ARG2: variants seen among roughly 807,000 people sequenced by gnomAD.
ARG2 encodes arginase 2, also known as arginase-2, mitochondrial.
A neutral mutation model predicts 39.4 loss-of-function variants in ARG2; 21 were observed. The ratio of observed to expected loss-of-function variants is 0.53; its 90% CI spans 0.38 to 0.77. The LOEUF (loss-of-function observed/expected upper bound fraction) is 0.77, where lower values mean the gene tolerates loss of function less well. Among genes scored for constraint, ARG2 ranks in the 30% least tolerant of loss-of-function variants. The pLI is 0.00. For synonymous variants in ARG2, 150 were observed against 156.7 expected, an observed-to-expected ratio of 0.96 and a Z score of 0.32; for missense variants, 378 against 426.2, an observed-to-expected ratio of 0.89 and a Z score of 1.00.
At position 67,645,751 on chromosome 14, in the gene ARG2, A is replaced by G; in HGVS notation, c.471A>G (p.Gly157=). 1 of 1,614,052 alleles carries G rather than the reference A, an allele frequency of 6.2e-7. No individual in the cohort carries two copies. The highest frequency in any genetic ancestry group is 8.5e-7 in the Non-Finnish European group (1 of 1,179,964). Residue 157 remains glycine (G), a synonymous_variant, in exon 4 of 8, where the codon GGA becomes GGG. Coordinates refer to ENST00000261783, the MANE Select transcript of ARG2 (RefSeq NM_001172.4). The part of the protein sequence containing the change: ...DINTPLTTSS[G]NLHGQPVSFL... ...ACACACCCCTTACCACTTCATCAGG[A>G]AATCTCCATGGACAGCCAGTTTCAT...
chr14:67,647,842 A>T, intron 6 of ARG2: 1 of 581,108 alleles, frequency 1.7e-6, no homozygotes, highest in Non-Finnish European at 3.0e-6. Context: ...TGGCAGTATC[A>T]TGAAGTGGTA....
intron 2 of ARG2, among the ~76,000 whole-genome samples, chr14:67,634,586 C>T (rs78249868): frequency 0.092 from 12,892 of 140,720 alleles, 620 homozygotes; most frequent in Middle Eastern, 0.19. Flanking sequence ...AGAACCAGAC[C>T]GTGTCTCCAA....
At chr14:67,647,865 A>G in intron 6 of ARG2, 182 bp from the exon 7 acceptor site, 1 of 628,360 alleles carries the variant, frequency 1.6e-6, no homozygotes. Flanking sequence ...TAGGAAGTTA[A>G]TATTGCCAAT....
chr14:67,622,324 A>G lies in ARG2; in HGVS notation c.184+1358A>G, dbSNP rs188262613. On this transcript the variant is annotated intron_variant, in intron 2 of 7. Transcript: ENST00000261783. ...ACTCTTCTCTGCTGGTCATAAGTCC[A>G]TTCCAAGTGAAGTCATCTCCTTCCA... Among the ~76,000 whole-genome samples, 9 of 152,352 alleles carry G rather than the reference A, an allele frequency of 5.9e-5. No individual in the cohort carries two copies. In the East Asian group the frequency reaches 1.7e-3, roughly 29 times the overall value.
chr14:67,625,687 A>C (rs2036858279), intron 2 of ARG2, among the ~76,000 whole-genome samples: 1 of 149,994 alleles, frequency 6.7e-6, no homozygotes, highest in African/African-American at 2.4e-5. Flanking sequence ...TCTCAAAAAA[A>C]AAAAAAAAAA....
rs779368145 is a variant in ARG2 at position 67,645,820 on chromosome 14, AAAAG to A, written c.522+23_522+26del. 3.1e-6 allele frequency: 5 copies of A among 1,612,486 alleles called. No homozygotes were observed. In the African/African-American group the frequency reaches 6.7e-5, roughly 22 times the overall value. ...AGGATAAGGTCAGTGGGCCAAAACGAAAAGAAAGGTGAATGGCTTGCAGGGTTTT... is the reference window on the plus strand; with the variant it reads ...AGGATAAGGTCAGTGGGCCAAAACGAAAAGGTGAATGGCTTGCAGGGTTTT... On this transcript the variant is annotated intron_variant, in intron 4 of 7. Coordinates refer to ENST00000261783, the MANE Select transcript of ARG2 (RefSeq NM_001172.4).
intron 2 of ARG2, among the ~76,000 whole-genome samples, chr14:67,622,945 C>T (rs919300771): frequency 2.0e-5 from 3 of 152,202 alleles, no homozygotes; most frequent in Non-Finnish European, 2.9e-5. Context: ...CCTGTCACAG[C>T]TCTTGGTATT....
chr14:67,620,856 TTCTC>T, intron 1 of ARG2, 34 bp from the exon 2 acceptor site: 1 of 1,611,976 alleles, frequency 6.2e-7, no homozygotes, highest in Non-Finnish European at 8.5e-7. Context: ...TTCCGACACC[TTCTC>T]TACCTCTAAT....
intron 2 of ARG2, 44 bp downstream of exon 2, chr14:67,621,010 G>C (rs2036804636): frequency 6.4e-7 from 1 of 1,568,020 alleles, no homozygotes; most frequent in African/African-American, 1.4e-5. Flanking sequence ...ACTAGTAATA[G>C]ACCACTTCAG....
chr14:67,626,924 G>A (rs181374759), intron 2 of ARG2, among the ~76,000 whole-genome samples: 138 of 152,224 alleles, frequency 9.1e-4, no homozygotes, highest in Non-Finnish European at 1.3e-3. Context: ...GCTACAACAT[G>A]GATGAACCTA....
Position 67,620,934 on chromosome 14 carries a change from A to G in ARG2, c.152A>G (p.Glu51Gly). 2 of 1,614,120 alleles carry G rather than the reference A, an allele frequency of 1.2e-6. No homozygotes were observed. The highest frequency in any genetic ancestry group is 1.7e-6 in the Non-Finnish European group (2 of 1,180,000). The stretch of plus-strand genomic sequence containing the variant: ...GAGCATGGTCCCGCTGCCATAAGAG[A>G]AGCTGGCTTGATGAAAAGGCTCTCC... Reference protein sequence around the residue: ...GVEHGPAAIREAGLMKRLSSL... With the variant: ...GVEHGPAAIRGAGLMKRLSSL... Residue 51 changes from glutamate to glycine, a missense_variant, in exon 2 of 8, where the codon GAA (glutamate) becomes GGA (glycine). Physicochemically the swap from Glu to Gly is moderately conservative, Grantham distance 98 (BLOSUM62 -2). Transcript: ENST00000261783.
rs755657562 is a variant in ARG2, at chr14:67,645,647, G to T, written c.367G>T (p.Ala123Ser). ...GATTATACTTGTTCTTTGCAGCCTG[G>T]CAATCGGTACCATTAGTGGCCATGC... The part of the protein sequence containing the change: ...CVTLGGDHSL[A>S]IGTISGHARH... Residue 123 changes from alanine (A) to serine (S), a missense_variant, in exon 4 of 8, where the codon GCA becomes TCA. Coordinates refer to ENST00000261783, the MANE Select transcript of ARG2 (RefSeq NM_001172.4). The T allele has an allele frequency of 6.2e-7, 1 of 1,612,276 alleles. No individual in the cohort carries two copies. The highest frequency in any genetic ancestry group is 2.2e-5 in the East Asian group (1 of 44,858).
chr14:67,642,820 T>TTTTTTTG (rs2037051668), intron 3 of ARG2, among the ~76,000 whole-genome samples: 1 of 134,576 alleles, frequency 7.4e-6, no homozygotes, highest in Non-Finnish European at 1.6e-5. Context: ...TTTTTTTTTT[T>TTTTTTTG]GAGATAGGGT....
chr14:67,621,102 C>A, intron 2 of ARG2, 136 bp downstream of exon 2: 1 of 797,396 alleles, frequency 1.3e-6, no homozygotes, highest in Non-Finnish European at 2.1e-6. Flanking sequence ...CTTTGGATTC[C>A]GTCTGCGGCT....
chr14:67,650,715 G>T lies in ARG2; in HGVS notation c.860G>T (p.Gly287Val). ...GTTTTGTCACACTTTGTTCTTCCAG[G>T]GTTGCTATCAGCACTGGATCTTGTT... ...MYIAEEIHNTGLLSALDLVEV... is the reference protein window; with the variant it reads ...MYIAEEIHNTVLLSALDLVEV... Residue 287 changes from glycine (G) to valine (V), a missense_variant and splice_region_variant, in exon 8 of 8, where the codon GGG becomes GTG. Gly to Val is a moderately radical substitution (Grantham distance 109, BLOSUM62 -3). Transcript: ENST00000261783. 1.2e-6 allele frequency: 2 copies of T among 1,613,534 alleles called. No individual in the cohort carries two copies. The highest frequency in any genetic ancestry group is 2.2e-5 in the South Asian group (2 of 91,054).
In ARG2 at chr14:67,620,203, G is replaced by T. The variant is rs114722104; in HGVS notation, c.111+115G>T. 223 of 697,584 alleles carry T rather than the reference G, an allele frequency of 3.2e-4. 1 individual carries two copies. The African/African-American group carries it at 3.9e-3, about 12-fold the overall frequency. The allele number at this position is 697,584 out of a possible 1,614,324, so 43.2% of individuals were successfully genotyped here. ...CGAGGAGAGGATGGGGAGAAATGGC[G>T]AGGGGAAGAGCTGGCCGGTTCCCGC... On this transcript the variant is annotated intron_variant, in intron 1 of 7. Transcript: ENST00000261783.
intron 3 of ARG2, among the ~76,000 whole-genome samples, chr14:67,643,547 G>A (rs925356109): frequency 6.6e-6 from 1 of 152,212 alleles, no homozygotes; most frequent in African/African-American, 2.4e-5. Flanking sequence ...ATCCAAGGTG[G>A]GCACAGTGGT....
At chr14:67,641,313 T>G (rs2037028363) in intron 2 of ARG2, among the ~76,000 whole-genome samples, 1 of 152,056 alleles carries the variant, frequency 6.6e-6, no homozygotes, top group Non-Finnish European at 1.5e-5. Context: ...TATTCCAAAA[T>G]CTGAAAAAAA....
At position 67,650,980 on chromosome 14, in the gene ARG2, G is replaced by A; in HGVS notation, c.*60G>A. 1 of 1,501,864 alleles carries A rather than the reference G, an allele frequency of 6.7e-7. No individual in the cohort carries two copies. The highest frequency in any genetic ancestry group is 1.7e-5 in the Admixed American group (1 of 57,744). The allele number at this position is 1,501,864 out of a possible 1,614,324, so 93.0% of individuals were successfully genotyped here. A position where few individuals can be genotyped will look rare whatever the true frequency, so the allele number is the denominator to read the frequency against. On this transcript the variant is annotated 3_prime_UTR_variant, in exon 8 of 8. Transcript: ENST00000261783. ...ATTCCAGAATTATGAGGCATTGAGG[G>A]GATAGATGAATACTAAATGGTTGTC...
Sources: allele counts gnomAD v4.1 joint callset (sites outside exome capture counted in the v4.1 genomes callset), GRCh38; gene constraint gnomAD v4.1.1; transcripts MANE v1.5; gene names NCBI Gene and HGNC (gene_info 2026-07-23, HGNC 2026-07-21).